The following KALRN variants were observed in gnomAD, a reference collection of about 807,000 sequenced individuals.
The protein encoded by KALRN is kalirin.
In KALRN, 70 loss-of-function variants were observed where a neutral mutation model predicts 353.7. The ratio of observed to expected loss-of-function variants is 0.20; its 90% CI spans 0.16 to 0.24. The LOEUF is 0.24. KALRN is among the 10% of genes least tolerant of loss of function. The probability of loss-of-function intolerance (pLI) is 1.00; values close to 1 mark genes in which losing one functional copy is unlikely to be tolerated. For missense variants in KALRN, 2,791 were observed against 3,756.7 expected (o/e 0.74, Z 6.72); for synonymous variants, 1,391 against 1,434.8 (o/e 0.97, Z 0.69).
intron 10 of KALRN, among the ~76,000 whole-genome samples, chr3:124,375,652 C>T (rs183805100): frequency 9.5e-4 from 144 of 152,266 alleles, no homozygotes; most frequent in Admixed American, 1.4e-3. Flanking sequence ...GTATTGGCAA[C>T]CTCTAGGATT....
At chr3:124,385,766 A>G (rs1316301875) in intron 11 of KALRN, among the ~76,000 whole-genome samples, 2 of 152,144 alleles carry the variant, frequency 1.3e-5, no homozygotes, top group Admixed American at 1.3e-4. Flanking sequence ...TTGCAAACCT[A>G]TGATTGCTTT....
intron 1 of KALRN, among the ~76,000 whole-genome samples, chr3:124,182,738 A>AC (rs564114069): frequency 1.1e-4 from 17 of 152,194 alleles, no homozygotes; most frequent in Admixed American, 2.0e-4. Context: ...GGTGCCCCAG[A>AC]CCCATCTGGC....
intron 3 of KALRN, among the ~76,000 whole-genome samples, chr3:124,253,294 A>G (rs958697589): frequency 2.6e-5 from 4 of 152,230 alleles, no homozygotes; most frequent in African/African-American, 9.6e-5. Context: ...ACAGAACTCC[A>G]GGAACCTTTC....
chr3:124,501,788 G>A (rs2064601703), intron 33 of KALRN, among the ~76,000 whole-genome samples: 1 of 152,302 alleles, frequency 6.6e-6, no homozygotes, highest in South Asian at 2.1e-4. Context: ...CATGAACTGT[G>A]CAGAGGCCCT....
chr3:124,098,792 A>C (rs919034988), intron 1 of KALRN, among the ~76,000 whole-genome samples: 1 of 152,100 alleles, frequency 6.6e-6, no homozygotes, highest in Admixed American at 6.5e-5. Context: ...AATTTCTTTT[A>C]TAAAGAAGCA....
chr3:124,066,980 T>C (rs560834116), intron 1 of KALRN, among the ~76,000 whole-genome samples: 5 of 152,340 alleles, frequency 3.3e-5, no homozygotes, highest in African/African-American at 1.2e-4. Context: ...CAAACTCCAC[T>C]TTCTAAGGAT....
At chr3:124,479,709 A>G (rs940763916) in intron 27 of KALRN, among the ~76,000 whole-genome samples, 2 of 144,624 alleles carry the variant, frequency 1.4e-5, no homozygotes, top group African/African-American at 5.1e-5. Flanking sequence ...CATTCACACG[A>G]TCCAGAATTT....
intron 33 of KALRN, among the ~76,000 whole-genome samples, chr3:124,497,005 A>G (rs2063927584): frequency 6.6e-6 from 1 of 152,172 alleles, no homozygotes; most frequent in African/African-American, 2.4e-5. Flanking sequence ...TGGTATACGA[A>G]GGGTGTAGTT....
At chr3:124,431,588 G>T (rs1196155858) in intron 16 of KALRN, among the ~76,000 whole-genome samples, 5 of 151,972 alleles carry the variant, frequency 3.3e-5, no homozygotes. Flanking sequence ...ATTACCAATG[G>T]GAAAAGAGAC....
At chr3:124,337,087 A>G (rs957539896) in intron 9 of KALRN, among the ~76,000 whole-genome samples, 1 of 152,156 alleles carries the variant, frequency 6.6e-6, no homozygotes, top group African/African-American at 2.4e-5. Context: ...TAAATGTATA[A>G]TCATGTCATC....
chr3:124,498,634 G>A (rs183137081), intron 33 of KALRN, among the ~76,000 whole-genome samples: 80 of 152,258 alleles, frequency 5.3e-4, no homozygotes, highest in Admixed American at 1.5e-3. Flanking sequence ...GACATGAGCA[G>A]GTCAGGAGAT....
chr3:124,266,813 C>A (rs1317347033), intron 4 of KALRN, among the ~76,000 whole-genome samples: 1 of 152,168 alleles, frequency 6.6e-6, no homozygotes, highest in Admixed American at 6.5e-5. Context: ...CTCCTGGCAC[C>A]CCTCCAGAAC....
At chr3:124,464,846 G>C (rs1315743341) in intron 25 of KALRN, among the ~76,000 whole-genome samples, 1 of 135,200 alleles carries the variant, frequency 7.4e-6, no homozygotes, top group East Asian at 2.1e-4. Context: ...AAAAACAGTA[G>C]GCAATAGAAC....
intron 3 of KALRN, among the ~76,000 whole-genome samples, chr3:124,241,289 T>C (rs1012524156): frequency 3.9e-5 from 6 of 152,234 alleles, no homozygotes; most frequent in Non-Finnish European, 7.3e-5. Flanking sequence ...AGAATGGTAT[T>C]GTACATTGTG....
chr3:124,356,329 CTTTTTCTTT>C (rs1249753816), intron 10 of KALRN, among the ~76,000 whole-genome samples: 3 of 83,450 alleles, frequency 3.6e-5, no homozygotes, highest in African/African-American at 9.6e-5. Flanking sequence ...TTTTCTTTTT[CTTTTTCTTT>C]TTTTTTTTTT....
chr3:124,657,633 T>G, intron 40 of KALRN, 82 bp downstream of exon 40: 1 of 1,356,376 alleles, frequency 7.4e-7, no homozygotes, highest in Non-Finnish European at 1.1e-6. Flanking sequence ...ACTCAAGGAG[T>G]AGGGCTTAGG....
chr3:124,614,356 C>A (rs1403835955), intron 34 of KALRN, among the ~76,000 whole-genome samples: 1 of 151,560 alleles, frequency 6.6e-6, no homozygotes, highest in African/African-American at 2.4e-5. Context: ...GCAGCCTCGA[C>A]CTTCCGGGCT....
At chr3:124,572,204 G>A (rs1408116367) in intron 34 of KALRN, among the ~76,000 whole-genome samples, 3 of 151,644 alleles carry the variant, frequency 2.0e-5, no homozygotes, top group Non-Finnish European at 4.4e-5. Flanking sequence ...TGCACCTGTG[G>A]TCCCAGCTGC....
intron 1 of KALRN, among the ~76,000 whole-genome samples, chr3:124,206,714 A>G (rs2076440954): frequency 6.6e-6 from 1 of 152,230 alleles, no homozygotes; most frequent in Non-Finnish European, 1.5e-5. Context: ...TTCCAGGACT[A>G]GAGTGCTTTG....
Sources: allele counts gnomAD v4.1 joint callset (sites outside exome capture counted in the v4.1 genomes callset), GRCh38; gene constraint gnomAD v4.1.1; transcripts MANE v1.5; gene names NCBI Gene and HGNC (gene_info 2026-07-23, HGNC 2026-07-21).